KLF13: variants seen among roughly 807,000 people sequenced by gnomAD.
KLF13 encodes the protein Krueppel-like factor 13.
A neutral mutation model predicts 16.7 loss-of-function variants in KLF13; 8 were observed. That is an observed-to-expected ratio of 0.48 (90% CI 0.28 to 0.87). The LOEUF (loss-of-function observed/expected upper bound fraction) is 0.87, where lower values mean the gene tolerates loss of function less well. Ranked by LOEUF, KLF13 falls within the 40% of genes least tolerant of loss-of-function variation. The probability of loss-of-function intolerance (pLI) is 0.10; values close to 1 mark genes in which losing one functional copy is unlikely to be tolerated. For synonymous variants in KLF13, 245 were observed against 208.4 expected (o/e 1.18, Z -1.51); for missense variants, 447 against 452.2 (o/e 0.99, Z 0.10).
intron 1 of KLF13, among the ~76,000 whole-genome samples, chr15:31,435,157 C>T (rs1384891941): frequency 6.6e-6 from 1 of 152,050 alleles, no homozygotes; most frequent in Non-Finnish European, 1.5e-5. Flanking sequence ...TTTGTCCTTT[C>T]AATGTGTTGT....
chr15:31,367,988 A>G (rs60425429), intron 1 of KLF13, among the ~76,000 whole-genome samples: 2,027 of 150,434 alleles, frequency 0.013, 49 homozygotes, highest in African/African-American at 0.046. Context: ...TCCACTCCAT[A>G]CCTCCCCTTC....
intron 1 of KLF13, 43 bp downstream of exon 1, chr15:31,327,832 C>A (rs746491991): frequency 1.5e-6 from 2 of 1,373,354 alleles, no homozygotes; most frequent in South Asian, 1.6e-5. Context: ...CGGACGGGGT[C>A]GGCGCGAGCT....
downstream of KLF13, among the ~76,000 whole-genome samples, chr15:31,381,219 C>T (rs988472102): frequency 5.3e-5 from 8 of 150,156 alleles, no homozygotes; most frequent in Non-Finnish European, 1.0e-4. Context: ...AACAAATTAC[C>T]ATAAGCAGTG....
intron 1 of KLF13, among the ~76,000 whole-genome samples, chr15:31,417,275 A>G (rs1437377292): frequency 2.0e-5 from 3 of 152,078 alleles, no homozygotes; most frequent in African/African-American, 7.2e-5. Flanking sequence ...TGGGAGGATC[A>G]CTTGAGGTCA....
At chr15:31,360,241 C>T (rs929996700) in intron 1 of KLF13, among the ~76,000 whole-genome samples, 1 of 152,178 alleles carries the variant, frequency 6.6e-6, no homozygotes, top group African/African-American at 2.4e-5. Context: ...CAGCAGGATA[C>T]AGGGAGGAAG....
intron 1 of KLF13, among the ~76,000 whole-genome samples, chr15:31,425,293 A>G (rs1442093060): frequency 6.6e-6 from 1 of 152,238 alleles, no homozygotes; most frequent in African/African-American, 2.4e-5. Context: ...TCTAAAATGT[A>G]TATGGAATCC....
chr15:31,428,596 G>A (rs2040427168), intron 1 of KLF13, among the ~76,000 whole-genome samples: 2 of 151,960 alleles, frequency 1.3e-5, no homozygotes, highest in African/African-American at 2.4e-5. Flanking sequence ...CACAAGGTCA[G>A]GAGATCAAGA....
chr15:31,420,685 T>A (rs572252302), intron 1 of KLF13: 48 of 332,164 alleles, frequency 1.4e-4, no homozygotes, highest in Admixed American at 4.0e-5. Context: ...ACTGTCCTTT[T>A]TTTTTCTTTC....
At position 31,376,705 on chromosome 15, in the gene KLF13, C is replaced by T. The variant is rs1375933407; in HGVS notation, c.*4406C>T. The T allele has an allele frequency of 6.6e-6, 1 of 152,632 alleles. No homozygotes were observed. 9.5% of individuals were successfully genotyped at this position (152,632 alleles called of 1,614,324 possible). On this transcript the variant is annotated 3_prime_UTR_variant, in exon 2 of 2. Coordinates refer to ENST00000307145, the MANE Select transcript of KLF13 (RefSeq NM_015995.4). ...AGCACCCTTTAGGGCGAGGCGCCGCCTCCTGCCTGCTGTCCTGTCCCTCAG... is the reference window on the plus strand; with the variant it reads ...AGCACCCTTTAGGGCGAGGCGCCGCTTCCTGCCTGCTGTCCTGTCCCTCAG...
intron 1 of KLF13, 40 bp downstream of exon 1, chr15:31,327,829 G>A (rs774744717): frequency 1.4e-6 from 2 of 1,394,106 alleles, no homozygotes; most frequent in East Asian, 6.1e-5. Flanking sequence ...GCGCGGACGG[G>A]GTCGGCGCGA....
intron 1 of KLF13, among the ~76,000 whole-genome samples, chr15:31,347,633 G>T (rs1042576129): frequency 6.6e-6 from 1 of 152,224 alleles, no homozygotes; most frequent in African/African-American, 2.4e-5. Context: ...GGGGAGAGAG[G>T]CGGGGCAGTG....
intron 1 of KLF13, among the ~76,000 whole-genome samples, chr15:31,334,043 G>A (rs2038883902): frequency 6.6e-6 from 1 of 152,142 alleles, no homozygotes; most frequent in Non-Finnish European, 1.5e-5. Context: ...CTGTCCACCT[G>A]GTTGGTTTCT....
intron 1 of KLF13, among the ~76,000 whole-genome samples, chr15:31,332,647 G>A (rs149832457): frequency 6.6e-6 from 1 of 152,370 alleles, no homozygotes; most frequent in East Asian, 1.9e-4. Flanking sequence ...ATCCTTCTGA[G>A]TAGGTGCCCT....
chr15:31,419,880 A>G (rs2141007334), intron 1 of KLF13, among the ~76,000 whole-genome samples: 1 of 152,314 alleles, frequency 6.6e-6, no homozygotes. Context: ...TAATCAAACT[A>G]TCAAGGACAG....
intron 1 of KLF13, among the ~76,000 whole-genome samples, chr15:31,415,388 C>T (rs1054082603): frequency 1.3e-5 from 2 of 152,114 alleles, no homozygotes; most frequent in African/African-American, 4.8e-5. Flanking sequence ...TATGCTAAAC[C>T]ATAAAGCATA....
At chr15:31,420,545 G>A (rs2040309336) in intron 1 of KLF13, 2 of 531,534 alleles carry the variant, frequency 3.8e-6, no homozygotes, top group Admixed American at 4.9e-5. Context: ...GAGCCTGCTA[G>A]GAGAACCCAA....
chr15:31,341,657 C>G (rs892766766), intron 1 of KLF13, among the ~76,000 whole-genome samples: 9 of 151,974 alleles, frequency 5.9e-5, no homozygotes, highest in African/African-American at 2.2e-4. Context: ...ACAGCTCAGC[C>G]TGCCAAAGTG....
intron 1 of KLF13, among the ~76,000 whole-genome samples, chr15:31,356,138 A>G (rs1312130463): frequency 1.3e-5 from 2 of 152,146 alleles, no homozygotes; most frequent in Non-Finnish European, 2.9e-5. Context: ...CAGGTGATAA[A>G]CATAGTACCC....
intron 1 of KLF13, among the ~76,000 whole-genome samples, chr15:31,335,481 T>TGTGGG (rs2038915887): frequency 1.5e-4 from 1 of 6,890 alleles, no homozygotes; most frequent in African/African-American, 5.7e-4. Flanking sequence ...GTGTGTATGG[T>TGTGGG]GGCGGGGCAG....
Sources: gnomAD v4.1 joint callset for allele counts (sites outside exome capture counted in the v4.1 genomes callset) on GRCh38, gnomAD v4.1.1 for gene constraint, MANE v1.5 for transcripts, NCBI Gene and HGNC (gene_info 2026-07-23, HGNC 2026-07-21) for gene names.